The following OR1F1 variants were observed in gnomAD, a reference collection of about 807,000 sequenced individuals.
OR1F1 encodes the protein olfactory receptor 1F1.
For synonymous variants in OR1F1, 184 were observed against 156.7 expected (o/e 1.17, Z -1.30); for missense variants, 493 against 376.3 (o/e 1.31, Z -2.57).
the OR1F1 span, among the ~76,000 whole-genome samples, chr16:3,199,110 C>T: frequency 3.5e-5 from 3 of 86,296 alleles, no homozygotes; most frequent in African/African-American, 1.4e-4. Context: ...AAGATCCTGT[C>T]TCTACAAAAA....
the OR1F1 span, among the ~76,000 whole-genome samples, chr16:3,195,148 C>G: frequency 2.6e-5 from 4 of 152,302 alleles, no homozygotes; most frequent in East Asian, 7.7e-4. Context: ...GGGTCCTGGA[C>G]CCAATCTCAG....
chr16:3,188,897 G>A, the OR1F1 span, among the ~76,000 whole-genome samples: 1 of 152,212 alleles, frequency 6.6e-6, no homozygotes, highest in African/African-American at 2.4e-5. Context: ...GCTCCCCCCA[G>A]TGAAGGGCAA....
chr16:3,194,876 G>A, the OR1F1 span, among the ~76,000 whole-genome samples: 1 of 152,138 alleles, frequency 6.6e-6, no homozygotes, highest in Non-Finnish European at 1.5e-5. Flanking sequence ...TCCTGCCTCG[G>A]CCTCCCAAAA....
rs200421001 is a variant in OR1F1 at position 3,204,889 on chromosome 16, C to A, written c.643C>A (p.Leu215Met). ...CATGATCACCCCATTTCTTTGCATC[C>A]TGGCTTCTTATATGCACATCACCTG... Residue 215 changes from leucine (L) to methionine (M), a missense_variant, in exon 1 of 1, where the codon CTG (leucine) becomes ATG (methionine). Leu to Met is a conservative substitution (Grantham distance 15). Transcript: ENST00000304646. 3 of 1,614,176 alleles carry A rather than the reference C, an allele frequency of 1.9e-6. No homozygotes were observed. The Admixed American group carries it at 5.0e-5, about 27-fold the overall frequency.
At chr16:3,191,179 G>T in the OR1F1 span, 1 of 152,192 alleles carries the variant, frequency 6.6e-6, no homozygotes. Flanking sequence ...CCAAAAAGAG[G>T]TTGTCGTTGA....
At chr16:3,204,432 C>T (rs765112481) in exon 1 of OR1F1, 1 of 1,614,178 alleles carries the variant, frequency 6.2e-7, no homozygotes, top group South Asian at 1.1e-5. Flanking sequence ...TGTACTTCTT[C>T]CTCAGCAACC....
At chr16:3,188,647 C>G in the OR1F1 span, among the ~76,000 whole-genome samples, 2 of 151,956 alleles carry the variant, frequency 1.3e-5, no homozygotes, top group Admixed American at 1.3e-4. Context: ...GCCCTTGTCC[C>G]CACCCCCAGA....
chr16:3,190,077 G>A, the OR1F1 span, among the ~76,000 whole-genome samples: 5 of 152,158 alleles, frequency 3.3e-5, no homozygotes, highest in Admixed American at 6.6e-5. Flanking sequence ...TCCAGCCTGG[G>A]ACTCCCACCC....
At chr16:3,193,623 A>T in the OR1F1 span, among the ~76,000 whole-genome samples, 11 of 151,648 alleles carry the variant, frequency 7.3e-5, no homozygotes, top group Non-Finnish European at 1.3e-4. Flanking sequence ...TTGAGACAGG[A>T]TCTCACTCCC....
At chr16:3,193,293 G>A in the OR1F1 span, among the ~76,000 whole-genome samples, 1 of 152,212 alleles carries the variant, frequency 6.6e-6, no homozygotes, top group Admixed American at 6.5e-5. Flanking sequence ...CAGTGGGGCT[G>A]TCAAGGGCCT....
At chr16:3,198,665 G>A in the OR1F1 span, among the ~76,000 whole-genome samples, 6,994 of 152,194 alleles carry the variant, frequency 0.046, 579 homozygotes, top group African/African-American at 0.16. Context: ...TAGAAACCAT[G>A]AGGTCTTCTG....
upstream of OR1F1, among the ~76,000 whole-genome samples, chr16:3,202,344 C>A (rs1048989424): frequency 2.0e-5 from 3 of 152,068 alleles, no homozygotes; most frequent in Admixed American, 2.0e-4. Flanking sequence ...CATTCAGCTC[C>A]CTGAATTTGG....
chr16:3,189,280 A>G, the OR1F1 span, among the ~76,000 whole-genome samples: 3 of 152,078 alleles, frequency 2.0e-5, no homozygotes, highest in Non-Finnish European at 2.9e-5. Context: ...AGGCTCGCAG[A>G]CCCTCAGCGC....
the OR1F1 span, among the ~76,000 whole-genome samples, chr16:3,191,586 C>T: frequency 7.0e-6 from 1 of 143,604 alleles, no homozygotes; most frequent in Admixed American, 6.9e-5. Flanking sequence ...TTGTTTTCTT[C>T]CTTGCTACCT....
the OR1F1 span, among the ~76,000 whole-genome samples, chr16:3,195,446 A>C: frequency 1.3e-5 from 2 of 151,856 alleles, no homozygotes; most frequent in African/African-American, 2.4e-5. Context: ...TCAGAGAGGC[A>C]AGGCCGGGAG....
chr16:3,199,031 C>T, the OR1F1 span, among the ~76,000 whole-genome samples: 2 of 144,330 alleles, frequency 1.4e-5, no homozygotes, highest in Admixed American at 7.4e-5. Context: ...ATAATCCCAG[C>T]ACTTTGAGAG....
chr16:3,193,906 C>A, the OR1F1 span, among the ~76,000 whole-genome samples: 3 of 152,182 alleles, frequency 2.0e-5, no homozygotes, highest in Admixed American at 1.3e-4. Flanking sequence ...CTCAGTAGGG[C>A]ACGTGGTAAC....
upstream of OR1F1, among the ~76,000 whole-genome samples, chr16:3,203,759 T>C (rs1958165228): frequency 6.6e-6 from 1 of 152,198 alleles, no homozygotes; most frequent in South Asian, 2.1e-4. Flanking sequence ...CGAGACTCCG[T>C]TTAAAAAAAG....
the OR1F1 span, among the ~76,000 whole-genome samples, chr16:3,192,849 G>A: frequency 1.3e-5 from 2 of 152,122 alleles, no homozygotes; most frequent in Non-Finnish European, 2.9e-5. Flanking sequence ...TGAGCTTTTG[G>A]CGGTCCGGTG....
Sources: gnomAD v4.1 joint callset for allele counts (sites outside exome capture counted in the v4.1 genomes callset) on GRCh38, gnomAD v4.1.1 for gene constraint, MANE v1.5 for transcripts, NCBI Gene and HGNC (gene_info 2026-07-23, HGNC 2026-07-21) for gene names.